NASP: variants seen among roughly 807,000 people sequenced by gnomAD.
NASP encodes NASP histone chaperone.
In NASP, 24 loss-of-function variants were observed where a neutral mutation model predicts 89.5. The observed-to-expected ratio is 0.27, with a 90% CI of 0.19 to 0.38. The LOEUF (loss-of-function observed/expected upper bound fraction) is 0.38, where lower values mean the gene tolerates loss of function less well. NASP is among the 10% of genes least tolerant of loss of function. The pLI is 1.00. For missense variants in NASP, 848 were observed against 921.4 expected, an observed-to-expected ratio of 0.92 and a Z score of 1.03; for synonymous variants, 306 against 324.7, an observed-to-expected ratio of 0.94 and a Z score of 0.62.
intron 12 of NASP, 39 bp downstream of exon 12, chr1:45,616,432 T>G (rs756026658): frequency 6.3e-7 from 1 of 1,599,872 alleles, no homozygotes; most frequent in Non-Finnish European, 8.6e-7. Flanking sequence ...TTACATTAAG[T>G]CTCAGTGTTG....
rs138585290 is a variant in NASP, at chr1:45,606,585, A to G, written c.403A>G (p.Ile135Val). ...DESLVENNDN[I>V]DEEAREELRE... ...ATCTCTGGTAGAAAATAATGATAAC[A>G]TAGATGGTATGTGGAGTTGCATGTG... The change falls in exon 5 of 15, where the codon ATA (isoleucine) becomes GTA (valine). Residue 135 changes from isoleucine (I) to valine (V), a missense_variant. Ile to Val is a conservative substitution (Grantham distance 29). This residue lies in a region of NASP where 464 missense variants were observed against 469.4 expected (regional missense o/e 0.99). Transcript: ENST00000350030. The G allele has an allele frequency of 7.2e-5, 114 of 1,588,116 alleles. No homozygotes were observed. Among genetic ancestry groups the G allele is most frequent in the Middle Eastern group, 5.0e-4 (3 of 6,000 alleles).
intron 1 of NASP, among the ~76,000 whole-genome samples, chr1:45,586,239 C>CGTGT (rs537983711): frequency 0.016 from 1,733 of 110,148 alleles, 35 homozygotes; most frequent in East Asian, 0.036. Flanking sequence ...CCTACCGTGC[C>CGTGT]GTGTGTGTGT....
At chr1:45,584,809 CAGG>C (rs1460928916) in intron 1 of NASP, among the ~76,000 whole-genome samples, 4 of 152,198 alleles carry the variant, frequency 2.6e-5, no homozygotes, top group African/African-American at 9.6e-5. Flanking sequence ...GCGGCTCCAG[CAGG>C]AGCTTTGGAC....
intron 7 of NASP, 23 bp downstream of exon 7, chr1:45,613,271 C>CT (rs1557665416): frequency 9.4e-6 from 15 of 1,592,108 alleles, no homozygotes; most frequent in Non-Finnish European, 1.3e-5. Flanking sequence ...CCACTCAGTA[C>CT]TGTTGTCAGC....
rs1400279313 is a variant in NASP, at chr1:45,615,123, G to A, written c.1777G>A (p.Ala593Thr). ...LAETHYQLGL[A>T]YGYNSQYDEA... ...AGAGACCCACTACCAGCTGGGCTTG[G>A]CTTATGGGTACAACTCTCAGTATGA... The change falls in exon 10 of 15, where the codon GCT becomes ACT. Residue 593 changes from alanine to threonine, a missense_variant. Transcript: ENST00000350030. 1 of 1,614,160 alleles carries A rather than the reference G, an allele frequency of 6.2e-7. No individual in the cohort carries two copies. The highest frequency in any genetic ancestry group is 8.5e-7 in the Non-Finnish European group (1 of 1,180,044).
intron 3 of NASP, among the ~76,000 whole-genome samples, chr1:45,603,236 A>T (rs1377701892): frequency 1.3e-5 from 2 of 152,254 alleles, no homozygotes; most frequent in East Asian, 3.8e-4. Flanking sequence ...TAAATCGTCA[A>T]GCAACAGGCT....
rs185056107 is a variant in NASP at position 45,616,342 on chromosome 1, G to T, written c.2028G>T (p.Glu676Asp). The change falls in exon 12 of 15, where the codon GAG becomes GAT. Residue 676 changes from glutamate (E) to aspartate (D), a missense_variant. Transcript: ENST00000350030. ...GGATTTGTCATTTCTCGCAGGTGGA[G>T]AGTTCTACTTCAGGTTTCACTCCTG... is the stretch of plus-strand genomic sequence containing the variant. ...AELALKATLV[E>D]SSTSGFTPGG... 4 of 1,614,194 alleles carry T rather than the reference G, an allele frequency of 2.5e-6. No individual in the cohort carries two copies. The Admixed American group carries it at 6.7e-5, about 27-fold the overall frequency.
chr1:45,615,002 CTCTT>C lies in NASP; in HGVS notation c.1667-9_1667-6del, dbSNP rs1478899231. On this transcript the variant is annotated splice_region_variant and splice_polypyrimidine_tract_variant and intron_variant, in intron 9 of 14. Transcript: ENST00000350030. ...TGTCCATTTACTTGCTCTTCTTTTT[CTCTT>C]TGTTAGAAAACTATGTGCAAGCTGT... 6.2e-7 allele frequency: 1 copy of C among 1,602,596 alleles called. No homozygotes were observed. The highest frequency in any genetic ancestry group is 8.5e-7 in the Non-Finnish European group (1 of 1,175,176).
chr1:45,585,985 C>A (rs1480527138), intron 1 of NASP, among the ~76,000 whole-genome samples: 1 of 152,112 alleles, frequency 6.6e-6, no homozygotes, highest in African/African-American at 2.4e-5. Flanking sequence ...GCAACAAATA[C>A]CTCTTGCAGG....
At chr1:45,617,844 AT>A (rs1483841897) in intron 14 of NASP, among the ~76,000 whole-genome samples, 1 of 152,228 alleles carries the variant, frequency 6.6e-6, no homozygotes, top group African/African-American at 2.4e-5. Flanking sequence ...GGGCAAAACC[AT>A]TAGGTCACTT....
intron 9 of NASP, 49 bp downstream of exon 9, chr1:45,614,415 T>C (rs914761756): frequency 7.8e-6 from 11 of 1,405,082 alleles, no homozygotes; most frequent in Non-Finnish European, 1.1e-5. Context: ...AGCTCCCTCG[T>C]TCTTCCTCTA....
intron 6 of NASP, chr1:45,611,491 G>C (rs949661704): frequency 4.1e-5 from 5 of 121,774 alleles, no homozygotes; most frequent in African/African-American, 1.6e-4. Context: ...TTTTGAGACA[G>C]AGTCTTGCTC....
Position 45,607,990 on chromosome 1 carries a change from G to T in NASP, c.1079G>T (p.Gly360Val). 3 of 1,614,084 alleles carry T rather than the reference G, an allele frequency of 1.9e-6. No individual in the cohort carries two copies. Among genetic ancestry groups the T allele is most frequent in the Non-Finnish European group, 2.5e-6 (3 of 1,179,970 alleles). ...EAAEASAVEAGSEVSEKPGQE... is the reference protein window; with the variant it reads ...EAAEASAVEAVSEVSEKPGQE... ...GCAGAGGCCTCAGCTGTAGAGGCTG[G>T]ATCAGAAGTCTCTGAAAAGCCTGGG... The change falls in exon 6 of 15, where the codon GGA becomes GTA. Residue 360 changes from glycine to valine, a missense_variant. This residue lies in a region of NASP where 464 missense variants were observed against 469.4 expected (regional missense o/e 0.99). Coordinates refer to ENST00000350030, the MANE Select transcript of NASP (RefSeq NM_002482.4).
intron 6 of NASP, among the ~76,000 whole-genome samples, chr1:45,609,020 A>G (rs564946357): frequency 6.6e-6 from 1 of 151,916 alleles, no homozygotes; most frequent in South Asian, 2.1e-4. Context: ...TTCCTTCCTC[A>G]TTTCATGCTT....
intron 2 of NASP, among the ~76,000 whole-genome samples, chr1:45,593,886 G>C (rs898752088): frequency 2.6e-5 from 4 of 151,390 alleles, no homozygotes; most frequent in Admixed American, 2.6e-4. Context: ...TTAATTAACT[G>C]TTCGTTGTGG....
intron 5 of NASP, 39 bp downstream of exon 5, chr1:45,606,630 T>C: frequency 7.1e-7 from 1 of 1,401,292 alleles, no homozygotes; most frequent in Non-Finnish European, 1.0e-6. Context: ...AGATGCGACG[T>C]TGTATATTTC....
In NASP at chr1:45,591,347, A is replaced by G. The variant is rs895077671; in HGVS notation, c.107+77A>G. On this transcript the variant is annotated intron_variant, in intron 2 of 14. Transcript: ENST00000350030. ...GCAATATAACTTTAAAGTTATTTTT[A>G]TTTTTTAATTAATTTATTTTTGATA... 27 of 1,021,266 alleles carry G rather than the reference A, an allele frequency of 2.6e-5. No individual in the cohort carries two copies. The Admixed American group carries it at 2.7e-4, about 10-fold the overall frequency. 63.3% of individuals were successfully genotyped at this position (1,021,266 alleles called of 1,614,324 possible). A position where few individuals can be genotyped will look rare whatever the true frequency, so the allele number is the denominator to read the frequency against.
At chr1:45,584,643 C>G (rs1297756857) in intron 1 of NASP, among the ~76,000 whole-genome samples, 1 of 150,698 alleles carries the variant, frequency 6.6e-6, no homozygotes, top group Non-Finnish European at 1.5e-5. Flanking sequence ...GGAAAAAAAA[C>G]CTTGCACGAG....
At position 45,586,043 on chromosome 1, in the gene NASP, G is replaced by A. The variant is rs572629005; in HGVS notation, c.59+1838G>A. ...AGGTCATTAGTGAATTTAGTTTCCT[G>A]GCAGGTTATACATAGAGAAAGTTTA... On this transcript the variant is annotated intron_variant, in intron 1 of 14. Coordinates refer to ENST00000350030, the MANE Select transcript of NASP (RefSeq NM_002482.4). Among the ~76,000 whole-genome samples, 5 of 152,252 alleles carry A rather than the reference G, an allele frequency of 3.3e-5. No individual in the cohort carries two copies. The South Asian group carries it at 1.0e-3, about 32-fold the overall frequency.
Sources: gnomAD v4.1 joint callset for allele counts (sites outside exome capture counted in the v4.1 genomes callset) on GRCh38, gnomAD v4.1.1 for gene constraint, gnomAD v4.1.1 regional missense constraint, MANE v1.5 for transcripts, NCBI Gene and HGNC (gene_info 2026-07-23, HGNC 2026-07-21) for gene names.